The following TRDN variants were observed in gnomAD, a reference collection of about 807,000 sequenced individuals.
TRDN encodes the protein triadin.
Under a neutral mutation model 149.7 loss-of-function variants are expected in TRDN, and 161 were observed. The observed-to-expected ratio is 1.08, with a 90% confidence interval of 0.95 to 1.23. The LOEUF is 1.23. Among genes scored for constraint, TRDN ranks in the 50% most tolerant of loss-of-function variants. The pLI is 0.00. For missense variants in TRDN, 896 were observed against 823.5 expected (o/e 1.09, Z -1.08); for synonymous variants, 294 against 250.5 (o/e 1.17, Z -1.64).
At chr6:123,519,797 G>A (rs1008463699) in intron 5 of TRDN, among the ~76,000 whole-genome samples, 31 of 150,390 alleles carry the variant, frequency 2.1e-4, no homozygotes, top group Admixed American at 5.3e-4. Context: ...AAAAATCTTT[G>A]AGGAGCATCA....
chr6:123,627,206 G>T (rs191161794), intron 1 of TRDN, among the ~76,000 whole-genome samples: 1 of 151,978 alleles, frequency 6.6e-6, no homozygotes, highest in Admixed American at 6.6e-5. Flanking sequence ...TGGGATTATA[G>T]GCATGAGCCA....
intron 12 of TRDN, among the ~76,000 whole-genome samples, chr6:123,429,520 C>G (rs1021001552): frequency 6.6e-6 from 1 of 152,076 alleles, no homozygotes; most frequent in South Asian, 2.1e-4. Context: ...GGATATATAA[C>G]GACAAAATTT....
At chr6:123,249,517 A>G (rs1369036408) in intron 38 of TRDN, among the ~76,000 whole-genome samples, 1 of 152,176 alleles carries the variant, frequency 6.6e-6, no homozygotes, top group Non-Finnish European at 1.5e-5. Flanking sequence ...TAGCAAAGTC[A>G]TGGAATCAAC....
At chr6:123,244,369 T>C (rs1219978398) in intron 38 of TRDN, among the ~76,000 whole-genome samples, 1 of 152,120 alleles carries the variant, frequency 6.6e-6, no homozygotes, top group Non-Finnish European at 1.5e-5. Context: ...CAGGAGCTGC[T>C]AACTAGAATA....
intron 19 of TRDN, among the ~76,000 whole-genome samples, chr6:123,372,129 G>A (rs923685736): frequency 5.3e-5 from 8 of 151,858 alleles, no homozygotes; most frequent in East Asian, 1.9e-4. Context: ...AGATCTTCCC[G>A]GAGACTTCTG....
At chr6:123,416,495 C>T (rs928213158) in intron 12 of TRDN, among the ~76,000 whole-genome samples, 7 of 152,292 alleles carry the variant, frequency 4.6e-5, no homozygotes, top group African/African-American at 1.7e-4. Flanking sequence ...CAGATAGCAT[C>T]TCCTTAGACA....
intron 20 of TRDN, among the ~76,000 whole-genome samples, chr6:123,356,923 T>C (rs1196108744): frequency 6.6e-6 from 1 of 151,614 alleles, no homozygotes; most frequent in Non-Finnish European, 1.5e-5. Context: ...ATTTTATTGA[T>C]AATAATATTT....
At position 123,259,641 on chromosome 6, in the gene TRDN, G is replaced by A. The variant is rs1270608603; in HGVS notation, c.1853C>T (p.Ser618Phe). 1 of 1,468,366 alleles carries A rather than the reference G, an allele frequency of 6.8e-7. No individual in the cohort carries two copies. Among genetic ancestry groups the A allele is most frequent in the Admixed American group, 2.2e-5 (1 of 45,996 alleles). The allele number at this position is 1,468,366 out of a possible 1,614,324, so 91.0% of individuals were successfully genotyped here. ...TESGKKKTEI[S>F]EKESKEKADM... Reference sequence around the variant, plus strand: ...ATTTTTACCTTTACTTTCTTTTTCAGATATTTCAGTTTTCTTCTTTCCTAG... The same window carrying A: ...ATTTTTACCTTTACTTTCTTTTTCAAATATTTCAGTTTTCTTCTTTCCTAG... Residue 618 changes from serine (S) to phenylalanine (F), a missense_variant, in exon 35 of 41, where the codon TCT becomes TTT. By Grantham distance (155) the Ser-to-Phe change is radical (BLOSUM62 -2). Transcript: ENST00000334268.
chr6:123,343,257 A>AT (rs1372139731), intron 21 of TRDN, among the ~76,000 whole-genome samples: 1 of 151,950 alleles, frequency 6.6e-6, no homozygotes, highest in Non-Finnish European at 1.5e-5. Flanking sequence ...ATGCCCATTT[A>AT]TTTTTTATAA....
chr6:123,344,817 A>C (rs774390676), intron 21 of TRDN, among the ~76,000 whole-genome samples: 2 of 152,042 alleles, frequency 1.3e-5, no homozygotes, highest in Non-Finnish European at 2.9e-5. Context: ...GCTGGATTGC[A>C]TCGTGAGAGT....
chr6:123,450,040 G>A (rs1047998058), intron 10 of TRDN, among the ~76,000 whole-genome samples: 1 of 152,112 alleles, frequency 6.6e-6, no homozygotes, highest in African/African-American at 2.4e-5. Flanking sequence ...CCATTACCAA[G>A]CCACCAGTAC....
chr6:123,489,260 T>A (rs1417823785), intron 9 of TRDN, among the ~76,000 whole-genome samples: 2 of 152,120 alleles, frequency 1.3e-5, no homozygotes, highest in Admixed American at 1.3e-4. Context: ...TACATATATA[T>A]CTTTTAATCA....
intron 20 of TRDN, among the ~76,000 whole-genome samples, chr6:123,355,261 G>T (rs1780621429): frequency 6.6e-6 from 1 of 151,428 alleles, no homozygotes; most frequent in Non-Finnish European, 1.5e-5. Flanking sequence ...ACGTTAACAG[G>T]AGTTTCAATG....
intron 4 of TRDN, among the ~76,000 whole-genome samples, chr6:123,533,015 T>C (rs1232122248): frequency 6.7e-6 from 1 of 149,954 alleles, no homozygotes; most frequent in East Asian, 1.9e-4. Flanking sequence ...TGAAGAAGAT[T>C]GGTGATTTGT....
chr6:123,387,535 C>T (rs566061547), intron 14 of TRDN, among the ~76,000 whole-genome samples: 34 of 152,126 alleles, frequency 2.2e-4, no homozygotes, highest in African/African-American at 7.2e-4. Context: ...ATTGTTTATC[C>T]TCTAGAAGTC....
At chr6:123,335,334 C>G (rs1779822752) in intron 22 of TRDN, among the ~76,000 whole-genome samples, 1 of 151,710 alleles carries the variant, frequency 6.6e-6, no homozygotes, top group South Asian at 2.1e-4. Flanking sequence ...GATTGAAATT[C>G]TAGAGAAAAT....
chr6:123,611,625 T>A (rs1784813316), intron 1 of TRDN, among the ~76,000 whole-genome samples: 1 of 152,150 alleles, frequency 6.6e-6, no homozygotes, highest in Non-Finnish European at 1.5e-5. Context: ...TTGTAATCGT[T>A]CTATCATAGA....
At chr6:123,427,381 A>G (rs796737440) in intron 12 of TRDN, among the ~76,000 whole-genome samples, 10 of 152,208 alleles carry the variant, frequency 6.6e-5, no homozygotes, top group African/African-American at 2.2e-4. Context: ...CAAAATTTAA[A>G]TAATCTAGAC....
intron 5 of TRDN, among the ~76,000 whole-genome samples, chr6:123,526,800 G>A (rs559906014): frequency 6.6e-6 from 1 of 151,988 alleles, no homozygotes; most frequent in African/African-American, 2.4e-5. Context: ...TATTTGTTCA[G>A]CCTATGATGA....
Sources: gnomAD v4.1 joint callset for allele counts (sites outside exome capture counted in the v4.1 genomes callset) on GRCh38, gnomAD v4.1.1 for gene constraint, MANE v1.5 for transcripts, NCBI Gene and HGNC (gene_info 2026-07-23, HGNC 2026-07-21) for gene names.